DPYD: variants seen among roughly 807,000 people sequenced by gnomAD.
DPYD encodes the protein dihydropyrimidine dehydrogenase [NADP(+)].
Under a neutral mutation model 116.2 loss-of-function variants are expected in DPYD, and 109 were observed. The ratio of observed to expected loss-of-function variants is 0.94; its 90% CI spans 0.80 to 1.10. The LOEUF (loss-of-function observed/expected upper bound fraction) is 1.10, where lower values mean the gene tolerates loss of function less well. DPYD is among the 50% of genes least tolerant of loss of function. The pLI, the probability that DPYD is intolerant of heterozygous loss-of-function variation, is 0.00. For synonymous variants in DPYD, 440 were observed against 432.0 expected, an observed-to-expected ratio of 1.02 and a Z score of -0.23; for missense variants, 1,302 against 1,254.5, an observed-to-expected ratio of 1.04 and a Z score of -0.57.
chr1:97,726,733 CAT>C (rs775565087), intron 4 of DPYD, among the ~76,000 whole-genome samples: 1 of 150,748 alleles, frequency 6.6e-6, no homozygotes, highest in South Asian at 2.1e-4. Flanking sequence ...AAAAAAAAAA[CAT>C]AATCCAATTA....
At chr1:97,548,595 G>A (rs1458136573) in intron 12 of DPYD, among the ~76,000 whole-genome samples, 1 of 151,976 alleles carries the variant, frequency 6.6e-6, no homozygotes, top group African/African-American at 2.4e-5. Flanking sequence ...AAATTAGCTG[G>A]GTGTGGTGGC....
Position 97,184,565 on chromosome 1 carries a change from C to T in DPYD, c.2622+8504G>A, listed in dbSNP as rs570190877. On this transcript the variant is annotated intron_variant, in intron 20 of 22. Coordinates refer to ENST00000370192, the MANE Select transcript of DPYD (RefSeq NM_000110.4). ...GCTTGTTGGCTGCATGTATCCACGT[C>T]GCTGTGAAAGCAATTCTTTCAGTGC... Among the ~76,000 whole-genome samples the T allele has an allele frequency of 3.8e-4, 58 of 152,058 alleles. 1 individual carries two copies. Among genetic ancestry groups the T allele is most frequent in the Non-Finnish European group, 6.6e-4 (45 of 67,932 alleles).
chr1:97,544,686 AC>A (rs1280201368), intron 12 of DPYD, among the ~76,000 whole-genome samples: 51 of 151,886 alleles, frequency 3.4e-4, no homozygotes, highest in African/African-American at 1.1e-3. Flanking sequence ...AAAAAAAAAA[AC>A]ATTAAGATTC....
At chr1:97,168,198 G>T (rs1263567760) in intron 20 of DPYD, among the ~76,000 whole-genome samples, 1 of 152,142 alleles carries the variant, frequency 6.6e-6, no homozygotes. Flanking sequence ...AGGCTTTCTA[G>T]CTCTGTGATC....
At chr1:97,491,251 T>C (rs1244622228) in intron 13 of DPYD, among the ~76,000 whole-genome samples, 1 of 148,374 alleles carries the variant, frequency 6.7e-6, no homozygotes, top group Non-Finnish European at 1.5e-5. Flanking sequence ...ATATAAGATA[T>C]AATAATAATA....
chr1:97,831,091 A>G (rs1669518918), intron 2 of DPYD, among the ~76,000 whole-genome samples: 1 of 152,206 alleles, frequency 6.6e-6, no homozygotes, highest in Non-Finnish European at 1.5e-5. Context: ...ACAGTTAACT[A>G]TTACCTTGAC....
At chr1:97,876,858 T>G (rs911657617) in intron 2 of DPYD, among the ~76,000 whole-genome samples, 2 of 151,950 alleles carry the variant, frequency 1.3e-5, no homozygotes, top group Non-Finnish European at 2.9e-5. Flanking sequence ...AAATGGGTGA[T>G]AAGTTAAAAG....
intron 5 of DPYD, among the ~76,000 whole-genome samples, chr1:97,702,795 T>A (rs1249585755): frequency 6.6e-6 from 1 of 151,994 alleles, no homozygotes; most frequent in Non-Finnish European, 1.5e-5. Context: ...TGTATGTATT[T>A]TCACCTAAAA....
At chr1:97,704,271 TG>T (rs1246436379) in intron 5 of DPYD, among the ~76,000 whole-genome samples, 1 of 151,908 alleles carries the variant, frequency 6.6e-6, no homozygotes, top group Non-Finnish European at 1.5e-5. Flanking sequence ...TGTGGGTGAA[TG>T]GGGGGTAGTG....
chr1:97,422,770 A>G (rs1442313218), intron 14 of DPYD, among the ~76,000 whole-genome samples: 4 of 152,146 alleles, frequency 2.6e-5, no homozygotes, highest in African/African-American at 9.7e-5. Context: ...TCCAGTGGAG[A>G]AGAGAAACAT....
At chr1:97,433,144 G>T (rs1301027535) in intron 14 of DPYD, among the ~76,000 whole-genome samples, 1 of 152,104 alleles carries the variant, frequency 6.6e-6, no homozygotes, top group Non-Finnish European at 1.5e-5. Context: ...AATGCACTGG[G>T]GGGATTTCTC....
intron 20 of DPYD, among the ~76,000 whole-genome samples, chr1:97,113,042 T>G (rs1345127155): frequency 6.6e-6 from 1 of 152,196 alleles, no homozygotes. Context: ...AACTTTAACA[T>G]GCACATTCTT....
intron 3 of DPYD, among the ~76,000 whole-genome samples, chr1:97,741,381 T>G (rs768296044): frequency 3.8e-4 from 58 of 152,140 alleles, no homozygotes; most frequent in Admixed American, 6.6e-5. Flanking sequence ...TTGTTGCACC[T>G]AAGAACCACC....
chr1:97,539,950 C>T (rs570578873), intron 12 of DPYD, among the ~76,000 whole-genome samples: 103 of 152,166 alleles, frequency 6.8e-4, no homozygotes, highest in Non-Finnish European at 9.9e-4. Flanking sequence ...AAAGTAAGTG[C>T]TCCGCCTTCT....
intron 3 of DPYD, among the ~76,000 whole-genome samples, chr1:97,747,820 T>C (rs1434694236): frequency 6.6e-6 from 1 of 152,170 alleles, no homozygotes; most frequent in Non-Finnish European, 1.5e-5. Flanking sequence ...ATTTTTGACT[T>C]CACTTTACTG....
At chr1:97,421,375 G>A (rs186837744) in intron 14 of DPYD, among the ~76,000 whole-genome samples, 15 of 152,166 alleles carry the variant, frequency 9.9e-5, no homozygotes, top group East Asian at 1.9e-4. Flanking sequence ...CAAGAGAAAC[G>A]TGAAAAGTTT....
chr1:97,504,341 C>A (rs1381387936), intron 13 of DPYD, among the ~76,000 whole-genome samples: 1 of 152,044 alleles, frequency 6.6e-6, no homozygotes, highest in African/African-American at 2.4e-5. Context: ...CAGCAACTAG[C>A]CTATATTCCT....
intron 8 of DPYD, among the ~76,000 whole-genome samples, chr1:97,638,342 A>T (rs1232863518): frequency 2.6e-5 from 4 of 152,118 alleles, no homozygotes; most frequent in Admixed American, 2.0e-4. Flanking sequence ...CTGGGAAGCC[A>T]TGCCTGACAG....
chr1:97,373,785 G>GTC (rs1197677279), intron 15 of DPYD, 141 bp from the exon 16 acceptor site: 9 of 708,360 alleles, frequency 1.3e-5, no homozygotes, highest in Admixed American at 2.3e-5. Flanking sequence ...GTGAGGTATA[G>GTC]TCTCTCTCTC....
Sources: gnomAD v4.1 joint callset for allele counts (sites outside exome capture counted in the v4.1 genomes callset) on GRCh38, gnomAD v4.1.1 for gene constraint, MANE v1.5 for transcripts, NCBI Gene and HGNC (gene_info 2026-07-23, HGNC 2026-07-21) for gene names.